FANCA: variants seen among roughly 807,000 people sequenced by gnomAD.
FANCA encodes FA complementation group A, also known as Fanconi anemia group A protein.
In FANCA, 236 loss-of-function variants were observed where a neutral mutation model predicts 194.3. The ratio of observed to expected loss-of-function variants is 1.21; its 90% CI spans 1.09 to 1.35. FANCA has a LOEUF of 1.35. FANCA is among the 40% of genes most tolerant of loss of function. FANCA has a pLI of 0.00. For synonymous variants in FANCA, 1,014 were observed against 715.8 expected (o/e 1.42, Z -6.65); for missense variants, 2,628 against 1,813.9 (o/e 1.45, Z -8.15).
rs746312984 is a variant in FANCA at position 89,799,650 on chromosome 16, G to C, written c.793-12C>G. 36 of 1,608,502 alleles carry C rather than the reference G, an allele frequency of 2.2e-5. No individual in the cohort carries two copies. Among genetic ancestry groups the C allele is most frequent in the South Asian group, 5.5e-5 (5 of 90,964 alleles). On this transcript the variant is annotated splice_polypyrimidine_tract_variant and intron_variant, in intron 8 of 42. Coordinates refer to ENST00000389301, the MANE Select transcript of FANCA (RefSeq NM_000135.4). ...ACATCAACCGTGACCTGTCAAAATAGAATGTGAGTTACCATCTTGGTAATC... is the reference window on the plus strand; with the variant it reads ...ACATCAACCGTGACCTGTCAAAATACAATGTGAGTTACCATCTTGGTAATC...
chr16:89,747,556 G>A (rs974089474), intron 33 of FANCA, among the ~76,000 whole-genome samples: 3 of 151,926 alleles, frequency 2.0e-5, no homozygotes, highest in Non-Finnish European at 2.9e-5. Context: ...AAACTTAGCC[G>A]GTCATGGCGG....
In FANCA at chr16:89,765,164, C is replaced by T; in HGVS notation, c.2602-98G>A. ...GTGGAAACAGACCATCAACAGCCCA[C>T]ACACACAACCCCACATTCAGAGGAC... On this transcript the variant is annotated intron_variant, in intron 27 of 42. Transcript: ENST00000389301. 5.9e-6 allele frequency: 8 copies of T among 1,362,694 alleles called. No individual in the cohort carries two copies. In the South Asian group the frequency reaches 9.7e-5, roughly 17 times the overall value. 84.4% of individuals were successfully genotyped at this position (1,362,694 alleles called of 1,614,324 possible).
Position 89,784,954 on chromosome 16 carries a change from C to G in FANCA, c.1370G>C (p.Gly457Ala). 1 of 1,613,318 alleles carries G rather than the reference C, an allele frequency of 6.2e-7. No individual in the cohort carries two copies. The highest frequency in any genetic ancestry group is 1.7e-4 in the Middle Eastern group (1 of 6,060). ...SYADWFKASFGSTRGYHGCSK... is the reference protein window; with the variant it reads ...SYADWFKASFASTRGYHGCSK... The stretch of plus-strand genomic sequence containing the variant: ...GCAGCCATGGTAGCCTCGTGTGCTC[C>G]CAAAGGAGGCCTGTGTGGAGAGAAG... The change falls in exon 15 of 43, where the codon GGG (glycine) becomes GCG (alanine). Residue 457 changes from glycine (G) to alanine (A), a missense_variant. Transcript: ENST00000389301.
At chr16:89,739,591 T>A (rs775876217) in intron 39 of FANCA, 38 bp from the exon 40 acceptor site, 1 of 1,546,250 alleles carries the variant, frequency 6.5e-7, no homozygotes, top group African/African-American at 1.4e-5. Flanking sequence ...ACTCTGGACA[T>A]CTCTGCCTAT....
chr16:89,807,547 T>C (rs1407220189), intron 6 of FANCA, among the ~76,000 whole-genome samples: 1 of 151,630 alleles, frequency 6.6e-6, no homozygotes, highest in Admixed American at 6.6e-5. Context: ...GTTAGGAGTT[T>C]GACACCAGCC....
At chr16:89,798,744 G>T in intron 10 of FANCA, 3 of 1,359,594 alleles carry the variant, frequency 2.2e-6, no homozygotes, top group Non-Finnish European at 2.9e-6. Flanking sequence ...GATCTGTGGA[G>T]GCCAGGCAGC....
chr16:89,782,834 C>T (rs990099283), intron 17 of FANCA, 25 bp downstream of exon 17: 2 of 1,606,694 alleles, frequency 1.2e-6, no homozygotes, highest in African/African-American at 2.7e-5. Context: ...CTGGCTGAGA[C>T]CCTGCAGGGC....
At chr16:89,742,959 T>G (rs1399597152) in intron 36 of FANCA, 21 bp from the exon 37 acceptor site, 1 of 1,612,718 alleles carries the variant, frequency 6.2e-7, no homozygotes, top group African/African-American at 1.3e-5. Context: ...GAGAACGGGG[T>G]CATTGCAGGG....
intron 5 of FANCA, among the ~76,000 whole-genome samples, chr16:89,809,380 A>T (rs2040789919): frequency 6.6e-6 from 1 of 152,128 alleles, no homozygotes; most frequent in African/African-American, 2.4e-5. Flanking sequence ...CCAAAGCAAT[A>T]ACTGAAAAAT....
chr16:89,785,851 G>GGGTT (rs2039875719), intron 14 of FANCA, among the ~76,000 whole-genome samples: 4 of 91,706 alleles, frequency 4.4e-5, no homozygotes, highest in Admixed American at 1.2e-4. Context: ...GTGCAAAATT[G>GGGTT]TGTTTTGTTT....
In FANCA at chr16:89,770,247, C is replaced by G. The variant is rs1186390745; in HGVS notation, c.2235G>C (p.Trp745Cys). ...SVAPPERQGP[W>C]AALFVRTMCG... ...ACATGGTCCTCACGAAGAGGGCAGC[C>G]CAGGGACCCTGCCTGCAGAGACAGC... is the stretch of plus-strand genomic sequence containing the variant. Residue 745 changes from tryptophan (W) to cysteine (C), a missense_variant, in exon 25 of 43, where the codon TGG becomes TGC. Transcript: ENST00000389301. 6.3e-7 allele frequency: 1 copy of G among 1,579,640 alleles called. No individual in the cohort carries two copies. The highest frequency in any genetic ancestry group is 8.6e-7 in the Non-Finnish European group (1 of 1,162,904).
chr16:89,816,645 C>T lies in FANCA; in HGVS notation c.-30G>A, dbSNP rs915189762. The T allele has an allele frequency of 1.3e-6, 2 of 1,513,598 alleles. No homozygotes were observed. Among genetic ancestry groups the T allele is most frequent in the African/African-American group, 1.4e-5 (1 of 69,918 alleles). The allele number at this position is 1,513,598 out of a possible 1,614,324, so 93.8% of individuals were successfully genotyped here. A position where few individuals can be genotyped will look rare whatever the true frequency, so the allele number is the denominator to read the frequency against. ...TTGGCGCCTACAGCCCCGGCGGCGGCTCCCTGCGCCCGAGCCCGCGCTGCC... is the reference window on the plus strand; with the variant it reads ...TTGGCGCCTACAGCCCCGGCGGCGGTTCCCTGCGCCCGAGCCCGCGCTGCC... On this transcript the variant is annotated 5_prime_UTR_variant, in exon 1 of 43. Coordinates refer to ENST00000389301, the MANE Select transcript of FANCA (RefSeq NM_000135.4).
At chr16:89,739,930 A>AT (rs1567594798) in intron 39 of FANCA, 64 bp downstream of exon 39, 1 of 1,605,686 alleles carries the variant, frequency 6.2e-7, no homozygotes, top group Non-Finnish European at 8.5e-7. Flanking sequence ...GTTCTTAACC[A>AT]TTTGCAAGAT....
intron 14 of FANCA, among the ~76,000 whole-genome samples, chr16:89,790,634 CAGG>C (rs2040038068): frequency 6.6e-6 from 1 of 151,592 alleles, no homozygotes; most frequent in Non-Finnish European, 1.5e-5. Context: ...GAGGCTGAGG[CAGG>C]AGAATAGCTT....
intron 11 of FANCA, among the ~76,000 whole-genome samples, chr16:89,794,634 A>AACCCT (rs1249914009): frequency 6.6e-6 from 1 of 152,198 alleles, no homozygotes; most frequent in African/African-American, 2.4e-5. Flanking sequence ...AAGTGATGAT[A>AACCCT]AACTCCTGAG....
rs2039257386 is a variant in FANCA, at chr16:89,769,783, G to T, written c.2504+54C>A. 3 of 1,586,246 alleles carry T rather than the reference G, an allele frequency of 1.9e-6. No individual in the cohort carries two copies. In the Admixed American group the frequency reaches 5.2e-5, roughly 27 times the overall value. ...TCTTCTAATTTTATCAAACGAGCAT[G>T]TGTCACTTTTCGAGAGAGAGGAGAG... On this transcript the variant is annotated intron_variant, in intron 26 of 42. Coordinates refer to ENST00000389301, the MANE Select transcript of FANCA (RefSeq NM_000135.4).
In FANCA at chr16:89,743,078, A is replaced by T. The variant is rs2062174744; in HGVS notation, c.3627-140T>A. ...CAGAGAAGGGTTTCAGGACCATCAG[A>T]AACTAGGTCTGCATCCCCCAGGTCC... On this transcript the variant is annotated intron_variant, in intron 36 of 42. Coordinates refer to ENST00000389301, the MANE Select transcript of FANCA (RefSeq NM_000135.4). The T allele has an allele frequency of 3.1e-6, 3 of 977,446 alleles. No homozygotes were observed. The African/African-American group carries it at 4.9e-5, about 16-fold the overall frequency. 60.5% of individuals were successfully genotyped at this position (977,446 alleles called of 1,614,324 possible).
chr16:89,749,404 T>A (rs1183795315), intron 32 of FANCA, among the ~76,000 whole-genome samples: 1 of 152,206 alleles, frequency 6.6e-6, no homozygotes, highest in Non-Finnish European at 1.5e-5. Flanking sequence ...TTTTTGTATT[T>A]TTAGTAGACA....
At chr16:89,816,094 C>G (rs1431218579) in intron 1 of FANCA, 108 bp from the exon 2 acceptor site, 4 of 812,870 alleles carry the variant, frequency 4.9e-6, no homozygotes, top group East Asian at 2.6e-5. Context: ...GACACCCTCC[C>G]GAAGAGGGGC....
Sources: gnomAD v4.1 joint callset for allele counts (sites outside exome capture counted in the v4.1 genomes callset) on GRCh38, gnomAD v4.1.1 for gene constraint, MANE v1.5 for transcripts, NCBI Gene and HGNC (gene_info 2026-07-23, HGNC 2026-07-21) for gene names.